ACOT11: variants seen among roughly 807,000 people sequenced by gnomAD.
The protein encoded by ACOT11 is acyl-coenzyme A thioesterase 11.
ACOT11 carries 69 observed loss-of-function variants against 77.5 expected under a neutral mutation model. That is an observed-to-expected ratio of 0.89 (90% CI 0.73 to 1.09). ACOT11 has a LOEUF of 1.09. Ranked by LOEUF, ACOT11 falls within the 50% of genes least tolerant of loss-of-function variation. The probability of loss-of-function intolerance (pLI) is 0.00; values close to 1 mark genes in which losing one functional copy is unlikely to be tolerated. For missense variants in ACOT11, 766 were observed against 813.7 expected, an observed-to-expected ratio of 0.94 and a Z score of 0.71; for synonymous variants, 279 against 313.0, an observed-to-expected ratio of 0.89 and a Z score of 1.15.
chr1:54,624,127 A>G (rs1410673369), intron 15 of ACOT11, among the ~76,000 whole-genome samples: 5 of 152,122 alleles, frequency 3.3e-5, no homozygotes, highest in Non-Finnish European at 5.9e-5. Context: ...GGGCCCTGGT[A>G]TGGGAAGCAA....
rs1385765725 is a variant in ACOT11, at chr1:54,630,918, G to A, written c.1782+32G>A. ...AAGAAGGGGAGTCCGGAAGCGTCAG[G>A]GTAACAATGGGATGGGTATGGGGTC... On this transcript the variant is annotated intron_variant, in intron 16 of 16. Transcript: ENST00000371316. 3.0e-6 allele frequency: 2 copies of A among 672,716 alleles called. 1 individual carries two copies. Among genetic ancestry groups the A allele is most frequent in the South Asian group, 3.4e-5 (2 of 59,016 alleles). 41.7% of individuals were successfully genotyped at this position (672,716 alleles called of 1,614,324 possible).
intron 1 of ACOT11, among the ~76,000 whole-genome samples, chr1:54,567,849 G>T (rs1653788903): frequency 6.6e-6 from 1 of 152,096 alleles, no homozygotes; most frequent in African/African-American, 2.4e-5. Flanking sequence ...TGAGCAGTCT[G>T]CCTGCTGCTT....
intron 1 of ACOT11, chr1:54,573,341 C>T: frequency 1.6e-6 from 1 of 627,480 alleles, no homozygotes; most frequent in South Asian, 7.1e-5. Flanking sequence ...GTGCAAGTTA[C>T]CTTTTCTGAG....
intron 4 of ACOT11, 146 bp downstream of exon 4, chr1:54,592,752 AGGG>A (rs1339804787): frequency 1.3e-6 from 1 of 775,030 alleles, no homozygotes; most frequent in Non-Finnish European, 2.0e-6. Context: ...TGGCAGAGCA[AGGG>A]GAATCCCAAG....
chr1:54,608,147 G>A, intron 15 of ACOT11, 79 bp downstream of exon 15: 8 of 1,456,432 alleles, frequency 5.5e-6, no homozygotes, highest in Admixed American at 2.3e-5. Context: ...AGCACTGCTG[G>A]GCTAGGATAG....
chr1:54,603,407 T>G (rs80153420), intron 10 of ACOT11, among the ~76,000 whole-genome samples: 1,677 of 152,310 alleles, frequency 0.011, 25 homozygotes, highest in African/African-American at 0.038. Flanking sequence ...GTGAAAGCAT[T>G]TATGGACTTT....
chr1:54,596,717 G>A (rs1329214825), intron 6 of ACOT11, among the ~76,000 whole-genome samples: 1 of 152,122 alleles, frequency 6.6e-6, no homozygotes, highest in Non-Finnish European at 1.5e-5. Flanking sequence ...GGGATTACAG[G>A]CACTCGCCAC....
intron 1 of ACOT11, among the ~76,000 whole-genome samples, chr1:54,561,498 ACTT>A (rs1557646790): frequency 2.7e-5 from 3 of 112,090 alleles, no homozygotes; most frequent in African/African-American, 4.2e-5. Context: ...TCCCATGTCT[ACTT>A]CTTTCTACAC....
chr1:54,594,524 G>T, intron 5 of ACOT11, 32 bp from the exon 6 acceptor site: 1 of 1,596,576 alleles, frequency 6.3e-7, no homozygotes. Context: ...GACTTGCCCT[G>T]AGTGTCCCCC....
intron 1 of ACOT11, among the ~76,000 whole-genome samples, chr1:54,579,636 G>A (rs1007554433): frequency 6.6e-6 from 1 of 152,216 alleles, no homozygotes; most frequent in Non-Finnish European, 1.5e-5. Flanking sequence ...TTCAGACAAT[G>A]GGGCCTTTCA....
chr1:54,558,076 G>A (rs992734477), intron 1 of ACOT11, among the ~76,000 whole-genome samples: 1 of 152,176 alleles, frequency 6.6e-6, no homozygotes, highest in Non-Finnish European at 1.5e-5. Context: ...TAGAGTTAAT[G>A]ACGTCTCCTC....
intron 9 of ACOT11, 23 bp from the exon 10 acceptor site, chr1:54,602,646 G>A (rs1231649805): frequency 2.0e-6 from 3 of 1,513,644 alleles, no homozygotes; most frequent in Non-Finnish European, 1.8e-6. Context: ...GTAGCTGGTT[G>A]CCTATCCCGA....
At chr1:54,602,140 T>C (rs1432421969) in intron 9 of ACOT11, among the ~76,000 whole-genome samples, 1 of 152,174 alleles carries the variant, frequency 6.6e-6, no homozygotes, top group Non-Finnish European at 1.5e-5. Flanking sequence ...TGGAGGACGT[T>C]AGATGTGGCG....
rs529780858 is a variant in ACOT11 at position 54,548,302 on chromosome 1, C to CCGGCG, written c.-5_-1dup. The CCGGCG allele has an allele frequency of 3.4e-3, 5,449 of 1,594,332 alleles. 23 individuals are homozygous for CCGGCG. The highest frequency in any genetic ancestry group is 5.8e-3 in the South Asian group (510 of 87,282). Reference sequence around the variant, plus strand: ...GGAGGGCGCTGCTTTCCCCGGCCACCCGGCGCGATGATCCAGAATGTCGGA... The same window carrying CCGGCG: ...GGAGGGCGCTGCTTTCCCCGGCCACCCGGCGCGGCGCGATGATCCAGAATGTCGGA... On this transcript the variant is annotated 5_prime_UTR_variant, in exon 1 of 16. Transcript: ENST00000343744.
chr1:54,604,251 C>A, intron 11 of ACOT11, 95 bp from the exon 12 acceptor site: 1 of 1,197,908 alleles, frequency 8.3e-7, no homozygotes, highest in Non-Finnish European at 1.2e-6. Context: ...CAACCCATTC[C>A]TGGCCCAGGT....
chr1:54,629,355 C>T (rs1307610422), intron 15 of ACOT11, among the ~76,000 whole-genome samples: 1 of 129,416 alleles, frequency 7.7e-6, no homozygotes. Flanking sequence ...GGCGCGATCT[C>T]GGCTCACTGC....
chr1:54,594,123 TA>T, intron 5 of ACOT11, 84 bp downstream of exon 5: 1 of 1,305,870 alleles, frequency 7.7e-7, no homozygotes, highest in Non-Finnish European at 1.1e-6. Flanking sequence ...GGAATGAGGT[TA>T]GGGGTTGGCA....
chr1:54,595,073 G>T (rs1405564214), intron 6 of ACOT11, among the ~76,000 whole-genome samples: 3 of 152,150 alleles, frequency 2.0e-5, no homozygotes, highest in Non-Finnish European at 4.4e-5. Flanking sequence ...TAGGCCGGGC[G>T]TGGTGGCTCA....
intron 1 of ACOT11, among the ~76,000 whole-genome samples, chr1:54,575,569 C>T (rs933404841): frequency 1.4e-5 from 2 of 146,056 alleles, no homozygotes; most frequent in Non-Finnish European, 2.9e-5. Flanking sequence ...TCGGAACGCA[C>T]TGAAAAAAAT....
Sources: gnomAD v4.1 joint callset for allele counts (sites outside exome capture counted in the v4.1 genomes callset) on GRCh38, gnomAD v4.1.1 for gene constraint, MANE v1.5 for transcripts, NCBI Gene and HGNC (gene_info 2026-07-23, HGNC 2026-07-21) for gene names.